The following PTGER3 variants were observed in gnomAD, a reference collection of about 807,000 sequenced individuals.
PTGER3 encodes prostaglandin E receptor 3.
Under a neutral mutation model 34.7 loss-of-function variants are expected in PTGER3, and 22 were observed. That is an observed-to-expected ratio of 0.63 (90% CI 0.45 to 0.91). PTGER3 has a LOEUF of 0.91. Ranked by LOEUF, PTGER3 falls within the 40% of genes least tolerant of loss-of-function variation. The probability of loss-of-function intolerance (pLI) is 0.00; values close to 1 mark genes in which losing one functional copy is unlikely to be tolerated. For missense variants in PTGER3, 468 were observed against 519.4 expected (o/e 0.90, Z 0.96); for synonymous variants, 241 against 230.1 (o/e 1.05, Z -0.43).
chr1:70,971,800 A>G (rs1653111858), intron 3 of PTGER3, 67 bp from the exon 4 acceptor site: 6 of 1,125,972 alleles, frequency 5.3e-6, no homozygotes, highest in South Asian at 4.7e-5. Flanking sequence ...AATTTTGTGT[A>G]TGGTGTGAGG....
At chr1:70,926,197 T>C (rs1648066421) in intron 4 of PTGER3, among the ~76,000 whole-genome samples, 1 of 152,214 alleles carries the variant, frequency 6.6e-6, no homozygotes, top group Admixed American at 6.5e-5. Flanking sequence ...TTAAGAGTAG[T>C]TTTTTCCAAT....
chr1:70,910,901 T>C (rs1382601667), intron 4 of PTGER3, among the ~76,000 whole-genome samples: 1 of 151,800 alleles, frequency 6.6e-6, no homozygotes, highest in Non-Finnish European at 1.5e-5. Flanking sequence ...ACCAACATGG[T>C]GAAACCCCAT....
chr1:70,948,219 CA>C (rs1164171342), downstream of PTGER3, among the ~76,000 whole-genome samples: 2 of 151,996 alleles, frequency 1.3e-5, no homozygotes, highest in Non-Finnish European at 1.5e-5. Context: ...TTGAATTATA[CA>C]TGGTAGGGAC....
At chr1:70,952,706 G>T (rs1405174707) in exon 4 of PTGER3, 7 of 1,225,414 alleles carry the variant, frequency 5.7e-6, no homozygotes, top group Non-Finnish European at 7.2e-6. Context: ...TGGGTAGTTC[G>T]AGTGACCAAC....
At chr1:70,875,096 A>C (rs1411336659) in intron 4 of PTGER3, among the ~76,000 whole-genome samples, 1 of 152,140 alleles carries the variant, frequency 6.6e-6, no homozygotes, top group African/African-American at 2.4e-5. Flanking sequence ...CATTCCAATA[A>C]TTTGGCCTAA....
intron 2 of PTGER3, among the ~76,000 whole-genome samples, chr1:70,984,988 A>G (rs1654776221): frequency 1.3e-5 from 2 of 152,126 alleles, no homozygotes; most frequent in Non-Finnish European, 2.9e-5. Flanking sequence ...TCTCATGGAA[A>G]CCCTTCCATC....
chr1:70,857,120 G>A (rs1454813369), intron 4 of PTGER3, among the ~76,000 whole-genome samples: 9 of 152,152 alleles, frequency 5.9e-5, no homozygotes. Context: ...ACACACAAGA[G>A]GAGAAGGAAC....
At chr1:70,906,426 G>A (rs1229830662) in intron 4 of PTGER3, among the ~76,000 whole-genome samples, 3 of 152,130 alleles carry the variant, frequency 2.0e-5, no homozygotes, top group Non-Finnish European at 4.4e-5. Context: ...TATTAAATCA[G>A]AATCTCTAGG....
intron 4 of PTGER3, among the ~76,000 whole-genome samples, chr1:70,890,511 T>G (rs764109932): frequency 2.0e-5 from 3 of 152,232 alleles, no homozygotes; most frequent in Non-Finnish European, 4.4e-5. Flanking sequence ...CAATCTACTT[T>G]AAGTATCACC....
At chr1:70,854,932 A>G (rs985829435) in intron 4 of PTGER3, among the ~76,000 whole-genome samples, 3 of 152,220 alleles carry the variant, frequency 2.0e-5, no homozygotes, top group Admixed American at 6.5e-5. Flanking sequence ...TCAGGAAACT[A>G]AAAATGCGAT....
intron 1 of PTGER3, among the ~76,000 whole-genome samples, chr1:71,024,540 T>A (rs1445374493): frequency 6.6e-6 from 1 of 151,940 alleles, no homozygotes; most frequent in African/African-American, 2.4e-5. Flanking sequence ...AATTAACAAA[T>A]AAGTGAATGA....
At chr1:70,934,240 C>G (rs1409221684) in intron 4 of PTGER3, among the ~76,000 whole-genome samples, 1 of 152,126 alleles carries the variant, frequency 6.6e-6, no homozygotes, top group African/African-American at 2.4e-5. Flanking sequence ...ATAATCTCAA[C>G]CAACAACTCC....
chr1:70,887,682 ATTTTC>A (rs1307236476), intron 4 of PTGER3, among the ~76,000 whole-genome samples: 1 of 151,702 alleles, frequency 6.6e-6, no homozygotes, highest in African/African-American at 2.4e-5. Flanking sequence ...AATTCTTGCT[ATTTTC>A]TCTGTGGTGC....
chr1:70,999,841 G>A (rs1656316695), intron 2 of PTGER3, among the ~76,000 whole-genome samples: 1 of 152,184 alleles, frequency 6.6e-6, no homozygotes, highest in Non-Finnish European at 1.5e-5. Context: ...GGAAGTAGAA[G>A]TGCAGTTTTT....
chr1:70,949,786 G>T (rs1650573436), downstream of PTGER3, among the ~76,000 whole-genome samples: 2 of 152,130 alleles, frequency 1.3e-5, no homozygotes, highest in Non-Finnish European at 2.9e-5. Flanking sequence ...ATTACCAGTA[G>T]TTACATGTGG....
intron 4 of PTGER3, among the ~76,000 whole-genome samples, chr1:70,918,672 C>A (rs1647269119): frequency 6.6e-6 from 1 of 152,002 alleles, no homozygotes; most frequent in Admixed American, 6.6e-5. Context: ...GGGCCTTACT[C>A]TCCTCACCAA....
rs550745749 is a variant in PTGER3, at chr1:70,927,098, G to A, written c.*23+26665C>T. Reference sequence around the variant, plus strand: ...TTCAGTTTGCCAGTATTTTATTGGGGATTTTTGCATCAATGTTCATCAAGG... The same window carrying A: ...TTCAGTTTGCCAGTATTTTATTGGGAATTTTTGCATCAATGTTCATCAAGG... On this transcript the variant is annotated intron_variant, in intron 4 of 4. Coordinates refer to the PTGER3 transcript ENST00000370931. Among the ~76,000 whole-genome samples the A allele has an allele frequency of 4.4e-3, 669 of 152,372 alleles. 5 individuals are homozygous for A. Among genetic ancestry groups the A allele is most frequent in the Non-Finnish European group, 7.5e-3 (509 of 68,040 alleles).
At chr1:70,959,005 C>A (rs543684446) in intron 2 of PTGER3, among the ~76,000 whole-genome samples, 120 of 152,154 alleles carry the variant, frequency 7.9e-4, no homozygotes, top group African/African-American at 2.3e-3. Flanking sequence ...GAATTTATTT[C>A]TTGGTTCTCT....
intron 2 of PTGER3, among the ~76,000 whole-genome samples, chr1:70,963,528 T>C (rs1047102911): frequency 2.0e-5 from 3 of 152,212 alleles, no homozygotes; most frequent in Non-Finnish European, 4.4e-5. Context: ...TTTGTGTACC[T>C]GCAGGCCCAA....
Sources: allele counts gnomAD v4.1 joint callset (sites outside exome capture counted in the v4.1 genomes callset), GRCh38; gene constraint gnomAD v4.1.1; transcripts MANE v1.5; gene names NCBI Gene and HGNC (gene_info 2026-07-23, HGNC 2026-07-21).